The following CHRNB3 variants were observed in gnomAD, a reference collection of about 807,000 sequenced individuals.
CHRNB3 encodes neuronal acetylcholine receptor subunit beta-3.
CHRNB3 carries 37 observed loss-of-function variants against 40.6 expected under a neutral mutation model. That is an observed-to-expected ratio of 0.91 (90% CI 0.70 to 1.20). CHRNB3 has a LOEUF of 1.20. CHRNB3 is among the 50% of genes most tolerant of loss of function. CHRNB3 has a pLI of 0.00. For synonymous variants in CHRNB3, 207 were observed against 207.1 expected, an observed-to-expected ratio of 1.00 and a Z score of 0.00; for missense variants, 505 against 551.2, an observed-to-expected ratio of 0.92 and a Z score of 0.84.
intron 1 of CHRNB3, among the ~76,000 whole-genome samples, chr8:42,703,156 G>A (rs1376828771): frequency 6.6e-6 from 1 of 152,060 alleles, no homozygotes; most frequent in African/African-American, 2.4e-5. Flanking sequence ...GGGAGTGGTG[G>A]CTCATGCCTG....
intron 3 of CHRNB3, among the ~76,000 whole-genome samples, chr8:42,724,442 T>C (rs1382796701): frequency 6.6e-6 from 1 of 152,140 alleles, no homozygotes; most frequent in Non-Finnish European, 1.5e-5. Context: ...AGTGAACATT[T>C]ATTTTTGTGC....
At chr8:42,712,130 C>T (rs1816026234) in intron 3 of CHRNB3, among the ~76,000 whole-genome samples, 1 of 151,894 alleles carries the variant, frequency 6.6e-6, no homozygotes, top group South Asian at 2.1e-4. Context: ...GTAGCAGGGA[C>T]TACAGGCACA....
At chr8:42,723,399 C>A (rs1816254323) in intron 3 of CHRNB3, among the ~76,000 whole-genome samples, 1 of 152,012 alleles carries the variant, frequency 6.6e-6, no homozygotes, top group African/African-American at 2.4e-5. Flanking sequence ...CTGAGTACAC[C>A]ATTGTGCTTT....
In CHRNB3 at chr8:42,736,574, AT is replaced by A. The variant is rs1239703149; in HGVS notation, c.1338del (p.Phe446LeufsTer5). ...LIVSVTGSVL[I>X]FTPALKMWLH... ...AGTGTCAGTAACAGGCTCGGTTCTG[AT>A]TTTTACCCCTGCTTTGAAGATGTGG... On this transcript the variant is annotated frameshift_variant, in exon 6 of 6. Coordinates refer to ENST00000289957, the MANE Select transcript of CHRNB3 (RefSeq NM_000749.5). LOFTEE classifies it high-confidence loss of function. 1 of 1,614,018 alleles carries A rather than the reference AT, an allele frequency of 6.2e-7. No homozygotes were observed. The highest frequency in any genetic ancestry group is 1.7e-5 in the Admixed American group (1 of 60,012).
intron 1 of CHRNB3, chr8:42,699,411 G>C (rs775297905): frequency 1.3e-5 from 2 of 152,142 alleles, no homozygotes; most frequent in African/African-American, 4.8e-5. Context: ...CTGTATCCTA[G>C]GAATGGTTCC....
At chr8:42,733,873 G>C (rs1816471308) in intron 5 of CHRNB3, among the ~76,000 whole-genome samples, 4 of 151,176 alleles carry the variant, frequency 2.6e-5, no homozygotes. Context: ...GGGATTACAG[G>C]CATGAGCCAC....
At chr8:42,724,386 C>G (rs1816269757) in intron 3 of CHRNB3, among the ~76,000 whole-genome samples, 1 of 152,160 alleles carries the variant, frequency 6.6e-6, no homozygotes, top group African/African-American at 2.4e-5. Context: ...TAACATAATA[C>G]TACTCAGTAA....
intron 2 of CHRNB3, 141 bp downstream of exon 2, chr8:42,709,009 C>G: frequency 1.1e-6 from 1 of 897,324 alleles, no homozygotes; most frequent in Non-Finnish European, 1.6e-6. Flanking sequence ...CCCCAAGAAG[C>G]CACTAAAATG....
At chr8:42,699,210 G>T (rs1442442388) in intron 1 of CHRNB3, among the ~76,000 whole-genome samples, 1 of 151,730 alleles carries the variant, frequency 6.6e-6, no homozygotes, top group Non-Finnish European at 1.5e-5. Context: ...TATATTTCTG[G>T]CTTTGGTAAA....
intron 4 of CHRNB3, among the ~76,000 whole-genome samples, chr8:42,731,276 C>T (rs928647703): frequency 6.6e-6 from 1 of 152,010 alleles, no homozygotes; most frequent in Non-Finnish European, 1.5e-5. Flanking sequence ...TAAAATAGGG[C>T]AGGGTGTGGT....
chr8:42,706,894 G>A (rs975244403), intron 1 of CHRNB3, among the ~76,000 whole-genome samples: 2 of 152,060 alleles, frequency 1.3e-5, no homozygotes, highest in Non-Finnish European at 2.9e-5. Flanking sequence ...CCAAGTAGCT[G>A]GGACTATAGG....
In CHRNB3 at chr8:42,736,613, C is replaced by T; in HGVS notation, c.1372C>T (p.His458Tyr). The T allele has an allele frequency of 6.2e-7, 1 of 1,614,130 alleles. No individual in the cohort carries two copies. Among genetic ancestry groups the T allele is most frequent in the Non-Finnish European group, 8.5e-7 (1 of 1,180,030 alleles). ...PALKMWLHSY[H>Y] ...TTTGAAGATGTGGCTACATAGTTAC[C>T]ATTAGGAATTTAAAAGACATAAGAC... Residue 458 changes from histidine to tyrosine, a missense_variant, in exon 6 of 6, where the codon CAT (histidine) becomes TAT (tyrosine). Transcript: ENST00000289957.
chr8:42,700,167 C>G (rs141145055), intron 1 of CHRNB3, among the ~76,000 whole-genome samples: 7 of 151,950 alleles, frequency 4.6e-5, no homozygotes, highest in African/African-American at 1.7e-4. Flanking sequence ...GTGCCCACCA[C>G]CACGCCCAGC....
At chr8:42,718,394 C>T (rs981898614) in intron 3 of CHRNB3, among the ~76,000 whole-genome samples, 9 of 152,058 alleles carry the variant, frequency 5.9e-5, no homozygotes, top group Admixed American at 1.3e-4. Flanking sequence ...GGGGACTTGG[C>T]CGAGCATGGT....
At position 42,732,053 on chromosome 8, in the gene CHRNB3, T is replaced by G; in HGVS notation, c.746T>G (p.Phe249Cys). ...FLIIPCLGLSFLTVLVFYLPS... is the reference protein window; with the variant it reads ...FLIIPCLGLSCLTVLVFYLPS... ...ATCATCCCCTGCCTGGGGCTGTCTTTCCTAACAGTTCTTGTGTTCTATTTA... is the reference window on the plus strand; with the variant it reads ...ATCATCCCCTGCCTGGGGCTGTCTTGCCTAACAGTTCTTGTGTTCTATTTA... The change falls in exon 5 of 6, where the codon TTC (phenylalanine) becomes TGC (cysteine). Residue 249 changes from phenylalanine (F) to cysteine (C), a missense_variant. Transcript: ENST00000289957. 1 of 1,614,134 alleles carries G rather than the reference T, an allele frequency of 6.2e-7. No individual in the cohort carries two copies. The highest frequency in any genetic ancestry group is 8.5e-7 in the Non-Finnish European group (1 of 1,180,026).
chr8:42,702,900 T>G (rs1214495274), intron 1 of CHRNB3, among the ~76,000 whole-genome samples: 2 of 152,164 alleles, frequency 1.3e-5, no homozygotes, highest in African/African-American at 2.4e-5. Context: ...GAATTGAATT[T>G]TTGCAATAAG....
chr8:42,712,413 C>G (rs1023665026), intron 3 of CHRNB3, among the ~76,000 whole-genome samples: 1 of 152,154 alleles, frequency 6.6e-6, no homozygotes, highest in South Asian at 2.1e-4. Context: ...AGGAGCTTCC[C>G]CCAGCTTCAT....
intron 3 of CHRNB3, among the ~76,000 whole-genome samples, chr8:42,717,496 A>C (rs1026054388): frequency 1.3e-5 from 2 of 150,798 alleles, no homozygotes; most frequent in African/African-American, 4.9e-5. Flanking sequence ...TGGCACTTAC[A>C]AGTTCATGAA....
At chr8:42,730,145 T>G (rs1816378405) in intron 3 of CHRNB3, among the ~76,000 whole-genome samples, 1 of 152,174 alleles carries the variant, frequency 6.6e-6, no homozygotes, top group Non-Finnish European at 1.5e-5. Context: ...ACATAGCAGG[T>G]GGATGTTCAT....
Sources: gnomAD v4.1 joint callset for allele counts (sites outside exome capture counted in the v4.1 genomes callset) on GRCh38, gnomAD v4.1.1 for gene constraint, MANE v1.5 for transcripts, NCBI Gene and HGNC (gene_info 2026-07-23, HGNC 2026-07-21) for gene names.